The following PCSK2 variants were observed in gnomAD, a reference collection of about 807,000 sequenced individuals.
The protein encoded by PCSK2 is neuroendocrine convertase 2.
PCSK2 carries 14 observed loss-of-function variants against 69.7 expected under a neutral mutation model. That is an observed-to-expected ratio of 0.20 (90% CI 0.13 to 0.31). The LOEUF (loss-of-function observed/expected upper bound fraction) is 0.31, where lower values mean the gene tolerates loss of function less well. PCSK2 is among the 10% of genes least tolerant of loss of function. The pLI, the probability that PCSK2 is intolerant of heterozygous loss-of-function variation, is 1.00. For synonymous variants in PCSK2, 307 were observed against 320.7 expected, an observed-to-expected ratio of 0.96 and a Z score of 0.46; for missense variants, 544 against 842.5, an observed-to-expected ratio of 0.65 and a Z score of 4.39.
At chr20:17,311,221 A>G (rs944925546) in intron 2 of PCSK2, among the ~76,000 whole-genome samples, 1 of 152,112 alleles carries the variant, frequency 6.6e-6, no homozygotes, top group Admixed American at 6.5e-5. Context: ...GTTAGTTTCT[A>G]TTCTGCATTG....
intron 2 of PCSK2, among the ~76,000 whole-genome samples, chr20:17,265,771 C>T (rs1987575780): frequency 6.6e-6 from 1 of 152,108 alleles, no homozygotes; most frequent in African/African-American, 2.4e-5. Context: ...CTCCTCTGCA[C>T]AAAGAGAATT....
At chr20:17,257,669 T>C (rs1364487806) in intron 1 of PCSK2, among the ~76,000 whole-genome samples, 2 of 152,190 alleles carry the variant, frequency 1.3e-5, no homozygotes, top group Non-Finnish European at 2.9e-5. Context: ...GTTGTGTATA[T>C]CGGGACATAT....
At chr20:17,254,097 C>T (rs1987091100) in intron 1 of PCSK2, among the ~76,000 whole-genome samples, 1 of 152,130 alleles carries the variant, frequency 6.6e-6, no homozygotes, top group East Asian at 1.9e-4. Flanking sequence ...ATTTTTAAAA[C>T]ATTCCTGTGC....
At chr20:17,460,040 C>G (rs955046089) in intron 10 of PCSK2, among the ~76,000 whole-genome samples, 1 of 152,094 alleles carries the variant, frequency 6.6e-6, no homozygotes, top group African/African-American at 2.4e-5. Flanking sequence ...AGATAAGGAA[C>G]CCAGGGCTGG....
At chr20:17,459,821 C>T (rs923458851) in intron 10 of PCSK2, among the ~76,000 whole-genome samples, 5 of 152,178 alleles carry the variant, frequency 3.3e-5, no homozygotes, top group Admixed American at 6.5e-5. Flanking sequence ...GCCAGCCTGT[C>T]GCTGATCTGT....
intron 8 of PCSK2, among the ~76,000 whole-genome samples, chr20:17,445,031 C>G (rs1314717538): frequency 6.6e-6 from 1 of 152,210 alleles, no homozygotes; most frequent in Non-Finnish European, 1.5e-5. Flanking sequence ...GGGATATGGG[C>G]TCACACACAA....
At chr20:17,465,281 C>A in intron 10 of PCSK2, 45 bp from the exon 11 acceptor site, 1 of 1,342,862 alleles carries the variant, frequency 7.4e-7, no homozygotes, top group South Asian at 1.2e-5. Flanking sequence ...CTCTCTCACC[C>A]TGCCTTTTGC....
intron 2 of PCSK2, among the ~76,000 whole-genome samples, chr20:17,352,344 A>G (rs2030018703): frequency 6.6e-6 from 1 of 152,348 alleles, no homozygotes. Context: ...GAATTAGAAG[A>G]AACAATTCTA....
At chr20:17,414,832 C>A (rs2031962009) in intron 6 of PCSK2, among the ~76,000 whole-genome samples, 1 of 152,210 alleles carries the variant, frequency 6.6e-6, no homozygotes, top group Admixed American at 6.5e-5. Context: ...AAAAGCTTAT[C>A]CGCCACGATC....
intron 1 of PCSK2, among the ~76,000 whole-genome samples, chr20:17,233,203 G>T (rs946148954): frequency 1.3e-5 from 2 of 152,188 alleles, no homozygotes; most frequent in Non-Finnish European, 2.9e-5. Context: ...AACTTGGCTA[G>T]GTTACTAAAT....
In PCSK2 at chr20:17,483,854, TA is replaced by T. The variant is rs1389958027; in HGVS notation, c.*1787del. On this transcript the variant is annotated 3_prime_UTR_variant, in exon 12 of 12. Transcript: ENST00000262545. ...TCATTTCACATTAATGGTCTAAAAA[TA>T]AACCAAAGGACATTATGTGTGCATG... 2.0e-5 allele frequency: 3 copies of T among 152,570 alleles called. No individual in the cohort carries two copies. Among genetic ancestry groups the T allele is most frequent in the African/African-American group, 7.2e-5 (3 of 41,434 alleles). The allele number at this position is 152,570 out of a possible 1,614,324, so 9.5% of individuals were successfully genotyped here. A position where few individuals can be genotyped will look rare whatever the true frequency, so the allele number is the denominator to read the frequency against.
chr20:17,368,913 T>C (rs1185814877), intron 4 of PCSK2, among the ~76,000 whole-genome samples: 1 of 152,244 alleles, frequency 6.6e-6, no homozygotes, highest in African/African-American at 2.4e-5. Context: ...CAGGGCCGGT[T>C]TCATTTCAGA....
At chr20:17,369,413 C>G in intron 5 of PCSK2, 136 bp downstream of exon 5, 1 of 733,304 alleles carries the variant, frequency 1.4e-6, no homozygotes, top group South Asian at 1.5e-5. Flanking sequence ...CACACACACA[C>G]ACAGGAGTAC....
rs1190534752 is a variant in PCSK2, at chr20:17,483,898, A to G, written c.*1828A>G. ...TGTGCATGTGTGTATAAGTGCACAC[A>G]GAAATATATATACATATGTAGACTA... is the stretch of plus-strand genomic sequence containing the variant. On this transcript the variant is annotated 3_prime_UTR_variant, in exon 12 of 12. Transcript: ENST00000262545. 7.9e-5 allele frequency: 12 copies of G among 152,764 alleles called. No individual in the cohort carries two copies. The East Asian group carries it at 2.3e-3, about 29-fold the overall frequency. 9.5% of individuals were successfully genotyped at this position (152,764 alleles called of 1,614,324 possible).
chr20:17,474,502 C>A (rs1260269388), intron 11 of PCSK2, among the ~76,000 whole-genome samples: 1 of 152,214 alleles, frequency 6.6e-6, no homozygotes, highest in Non-Finnish European at 1.5e-5. Context: ...CAAATGCACA[C>A]CACTCACTCT....
At chr20:17,438,139 C>A (rs2032523953) in intron 8 of PCSK2, among the ~76,000 whole-genome samples, 1 of 152,162 alleles carries the variant, frequency 6.6e-6, no homozygotes, top group South Asian at 2.1e-4. Flanking sequence ...GCTTTTGGAA[C>A]TCCATTTTGG....
intron 6 of PCSK2, 108 bp downstream of exon 6, chr20:17,409,447 T>C: frequency 1.3e-6 from 1 of 742,520 alleles, no homozygotes; most frequent in Non-Finnish European, 2.4e-6. Context: ...CCATGCTTCA[T>C]TAAATTATAT....
intron 6 of PCSK2, among the ~76,000 whole-genome samples, chr20:17,419,848 T>C (rs2032084256): frequency 6.6e-6 from 1 of 152,242 alleles, no homozygotes. Context: ...ACTACTGAAA[T>C]GTCATCCCTG....
At chr20:17,407,742 C>T (rs865970958) in intron 5 of PCSK2, among the ~76,000 whole-genome samples, 10 of 152,098 alleles carry the variant, frequency 6.6e-5, no homozygotes, top group African/African-American at 1.2e-4. Flanking sequence ...GAAAAACTGG[C>T]AACTTGCCAG....
Sources: allele counts gnomAD v4.1 joint callset (sites outside exome capture counted in the v4.1 genomes callset), GRCh38; gene constraint gnomAD v4.1.1; transcripts MANE v1.5; gene names NCBI Gene and HGNC (gene_info 2026-07-23, HGNC 2026-07-21).